The following CPSF3 variants were observed in gnomAD, a reference collection of about 807,000 sequenced individuals.
CPSF3 encodes cleavage and polyadenylation specificity factor subunit 3.
CPSF3 carries 57 observed loss-of-function variants against 84.1 expected under a neutral mutation model. The observed-to-expected ratio is 0.68, with a 90% CI of 0.55 to 0.85. The LOEUF (loss-of-function observed/expected upper bound fraction) is 0.85. Ranked by LOEUF, CPSF3 falls within the 40% of genes least tolerant of loss-of-function variation. CPSF3 has a pLI of 0.00. For missense variants in CPSF3, 522 were observed against 838.8 expected, an observed-to-expected ratio of 0.62 and a Z score of 4.66; for synonymous variants, 275 against 278.1, an observed-to-expected ratio of 0.99 and a Z score of 0.11.
chr2:9,429,894 A>T (rs1680518689), intron 2 of CPSF3, 29 bp from the exon 3 acceptor site: 1 of 1,431,688 alleles, frequency 7.0e-7, no homozygotes, highest in Non-Finnish European at 9.7e-7. Flanking sequence ...TGTGCAGGAG[A>T]TTGTGATCTC....
chr2:9,425,188 G>A (rs1680337190), intron 1 of CPSF3, among the ~76,000 whole-genome samples: 1 of 152,174 alleles, frequency 6.6e-6, no homozygotes, highest in Non-Finnish European at 1.5e-5. Context: ...AAGTGAGAGT[G>A]GTCACAGCTT....
intron 4 of CPSF3, 74 bp from the exon 5 acceptor site, chr2:9,432,437 A>G (rs1256263060): frequency 1.2e-5 from 12 of 1,030,552 alleles, no homozygotes; most frequent in South Asian, 3.0e-5. Flanking sequence ...TGTTATCCAC[A>G]ATTTCTTTGT....
At chr2:9,438,047 T>G (rs967152702) in intron 7 of CPSF3, among the ~76,000 whole-genome samples, 18 of 152,268 alleles carry the variant, frequency 1.2e-4, no homozygotes, top group Admixed American at 5.9e-4. Flanking sequence ...GAGTGTCACC[T>G]CTGTGCGAAG....
chr2:9,448,940 AACTGTTTGTT>A (rs763708719), intron 11 of CPSF3, among the ~76,000 whole-genome samples: 29 of 152,166 alleles, frequency 1.9e-4, no homozygotes, highest in Admixed American at 1.2e-3. Context: ...GAGGGTAAAG[AACTGTTTGTT>A]ACTGTTTGTT....
intron 6 of CPSF3, 141 bp downstream of exon 6, chr2:9,434,101 C>T: frequency 1.8e-6 from 1 of 556,782 alleles, no homozygotes. Context: ...AAACTGGTGG[C>T]CGGGCACGGT....
Position 9,448,218 on chromosome 2 carries a change from G to A in CPSF3, c.1263G>A (p.Gln421=). The stretch of plus-strand genomic sequence containing the variant: ...TGTAGATTTTAGTCCATGGAGAACA[G>A]AATGAAATGGCCAGATTGAAAGCAG... ...PPHVILVHGE[Q]NEMARLKAAL... The change falls in exon 11 of 18, where the codon CAG becomes CAA. Residue 421 remains glutamine (Q), a synonymous_variant. Coordinates refer to ENST00000238112, the MANE Select transcript of CPSF3 (RefSeq NM_016207.4). 6.2e-7 allele frequency: 1 copy of A among 1,607,016 alleles called. No homozygotes were observed. Among genetic ancestry groups the A allele is most frequent in the Non-Finnish European group, 8.5e-7 (1 of 1,174,964 alleles).
intron 11 of CPSF3, among the ~76,000 whole-genome samples, chr2:9,452,080 A>G (rs920233264): frequency 3.3e-5 from 5 of 152,134 alleles, no homozygotes; most frequent in African/African-American, 1.2e-4. Context: ...TGTAATTCCA[A>G]CACTTTGGGA....
At chr2:9,451,771 C>T (rs1270557261) in intron 11 of CPSF3, among the ~76,000 whole-genome samples, 2 of 145,568 alleles carry the variant, frequency 1.4e-5, no homozygotes, top group Non-Finnish European at 3.0e-5. Flanking sequence ...GGCTGGAGTG[C>T]AGTGGCGCGA....
At chr2:9,455,206 G>A (rs1009665928) in intron 12 of CPSF3, among the ~76,000 whole-genome samples, 16 of 150,810 alleles carry the variant, frequency 1.1e-4, no homozygotes, top group African/African-American at 2.2e-4. Flanking sequence ...GCACGATCTC[G>A]GCTCACTTCT....
At chr2:9,469,788 T>C (rs1437632596) in intron 16 of CPSF3, among the ~76,000 whole-genome samples, 1 of 152,218 alleles carries the variant, frequency 6.6e-6, no homozygotes, top group African/African-American at 2.4e-5. Context: ...AATGCAGCTA[T>C]TTCCCCAGTT....
chr2:9,468,187 C>A (rs369557335), intron 16 of CPSF3, among the ~76,000 whole-genome samples: 1 of 152,116 alleles, frequency 6.6e-6, no homozygotes, highest in Non-Finnish European at 1.5e-5. Context: ...AGTCTGTAAG[C>A]GATGAATTAA....
chr2:9,426,152 C>T (rs1363147848), intron 1 of CPSF3, among the ~76,000 whole-genome samples: 2 of 152,138 alleles, frequency 1.3e-5, no homozygotes, highest in Admixed American at 1.3e-4. Context: ...ATGGACAATG[C>T]CTCTGTTCTT....
At position 9,440,496 on chromosome 2, in the gene CPSF3, T is replaced by C; in HGVS notation, c.766T>C (p.Tyr256His). 2 of 1,613,436 alleles carry C rather than the reference T, an allele frequency of 1.2e-6. No individual in the cohort carries two copies. Among genetic ancestry groups the C allele is most frequent in the Non-Finnish European group, 1.7e-6 (2 of 1,179,532 alleles). ...TTCTTGCAAAATCTCTCTAGATGAGTACTGGCAGAATCACCCAGAACTACA... is the reference window on the plus strand; with the variant it reads ...TTCTTGCAAAATCTCTCTAGATGAGCACTGGCAGAATCACCCAGAACTACA... Reference protein sequence around the residue: ...AQELLLILDEYWQNHPELHDI... With the variant: ...AQELLLILDEHWQNHPELHDI... The change falls in exon 8 of 18, where the codon TAC (tyrosine) becomes CAC (histidine). Residue 256 changes from tyrosine to histidine, a missense_variant. Tyr to His is a moderately conservative substitution (Grantham distance 83). Coordinates refer to ENST00000238112, the MANE Select transcript of CPSF3 (RefSeq NM_016207.4).
At chr2:9,433,770 A>T in intron 5 of CPSF3, 101 bp from the exon 6 acceptor site, 1 of 771,402 alleles carries the variant, frequency 1.3e-6, no homozygotes, top group East Asian at 2.5e-5. Flanking sequence ...TTTAGACTTA[A>T]AAACTGTAAC....
intron 1 of CPSF3, among the ~76,000 whole-genome samples, chr2:9,425,292 A>G (rs796411787): frequency 6.6e-6 from 1 of 152,382 alleles, no homozygotes; most frequent in African/African-American, 2.4e-5. Context: ...CCTCGTATAC[A>G]CAGGAGTTTG....
chr2:9,455,741 G>C lies in CPSF3; in HGVS notation c.1587G>C (p.Gln529His). 2 of 1,613,372 alleles carry C rather than the reference G, an allele frequency of 1.2e-6. No individual in the cohort carries two copies. The highest frequency in any genetic ancestry group is 2.2e-5 in the South Asian group (2 of 91,012). The change falls in exon 13 of 18, where the codon CAG becomes CAC. Residue 529 changes from glutamine (Q) to histidine (H), a missense_variant. Physicochemically the swap from Gln to His is conservative, Grantham distance 24. Coordinates refer to ENST00000238112, the MANE Select transcript of CPSF3 (RefSeq NM_016207.4). ...GTCCCTTTAATTTGCTCTGTTACCA[G>C]CTGCAGAAATTGACAGGTGTGTGTG... ...YTGPFNLLCY[Q>H]LQKLTGDVEE...
At chr2:9,435,557 G>A (rs566968366) in intron 6 of CPSF3, among the ~76,000 whole-genome samples, 1 of 151,950 alleles carries the variant, frequency 6.6e-6, no homozygotes, top group East Asian at 1.9e-4. Context: ...GACTAGCTGG[G>A]ATTATAAGGC....
intron 6 of CPSF3, among the ~76,000 whole-genome samples, chr2:9,434,244 G>A (rs1364559689): frequency 3.3e-5 from 5 of 151,890 alleles, no homozygotes; most frequent in Admixed American, 2.0e-4. Context: ...TTAGCTGGGT[G>A]TGGTGGTGCA....
intron 6 of CPSF3, 63 bp from the exon 7 acceptor site, chr2:9,436,147 GT>G: frequency 7.2e-7 from 1 of 1,396,198 alleles, no homozygotes; most frequent in Non-Finnish European, 9.7e-7. Context: ...TTTCATTGAT[GT>G]TTAACTTTTG....
Sources: allele counts gnomAD v4.1 joint callset (sites outside exome capture counted in the v4.1 genomes callset), GRCh38; gene constraint gnomAD v4.1.1; transcripts MANE v1.5; gene names NCBI Gene and HGNC (gene_info 2026-07-23, HGNC 2026-07-21).